Variants in NTNG1 observed in about 807,000 individuals in gnomAD.
The protein encoded by NTNG1 is netrin-G1.
A neutral mutation model predicts 54.0 loss-of-function variants in NTNG1; 16 were observed. The ratio of observed to expected loss-of-function variants is 0.30; its 90% confidence interval spans 0.20 to 0.45. NTNG1 has a LOEUF of 0.45. NTNG1 is among the 20% of genes least tolerant of loss of function. The pLI, the probability that NTNG1 is intolerant of heterozygous loss-of-function variation, is 1.00. For missense variants in NTNG1, 530 were observed against 678.7 expected (o/e 0.78, Z 2.43); for synonymous variants, 255 against 263.1 (o/e 0.97, Z 0.30).
At chr1:107,410,907 G>T (rs1465240630) in intron 5 of NTNG1, among the ~76,000 whole-genome samples, 1 of 152,104 alleles carries the variant, frequency 6.6e-6, no homozygotes, top group Non-Finnish European at 1.5e-5. Flanking sequence ...AAATACATTT[G>T]TGTGGGTGAT....
intron 2 of NTNG1, among the ~76,000 whole-genome samples, chr1:107,160,575 A>T (rs1383195102): frequency 3.9e-5 from 3 of 76,876 alleles, no homozygotes; most frequent in Admixed American, 2.1e-4. Context: ...TGTATAATTT[A>T]AAAAAATCTC....
In NTNG1 at chr1:107,177,390, A is replaced by T. The variant is rs367731888; in HGVS notation, c.246+28551A>T. On this transcript the variant is annotated intron_variant, in intron 2 of 7. Coordinates refer to ENST00000370068, the MANE Select transcript of NTNG1 (RefSeq NM_001113226.3). ...TGCTCTGTCACCCAGGCTAGAGTGC[A>T]GTGGCACGATCTCAGCTCACTGCAA... Among the ~76,000 whole-genome samples the T allele has an allele frequency of 5.9e-5, 9 of 151,596 alleles. No homozygotes were observed. The South Asian group carries it at 1.9e-3, about 32-fold the overall frequency.
At chr1:107,400,702 G>T (rs770166531) in intron 4 of NTNG1, among the ~76,000 whole-genome samples, 10 of 150,878 alleles carry the variant, frequency 6.6e-5, no homozygotes, top group East Asian at 5.9e-4. Flanking sequence ...AGGCTGGAGT[G>T]CAATGGCATG....
chr1:107,290,285 T>A (rs193071312), intron 2 of NTNG1, among the ~76,000 whole-genome samples: 58 of 152,290 alleles, frequency 3.8e-4, no homozygotes, highest in Admixed American at 1.7e-3. Flanking sequence ...TACTCATGGC[T>A]TGAGAGCCTC....
At chr1:107,142,087 C>T (rs976420480) in intron 1 of NTNG1, among the ~76,000 whole-genome samples, 7 of 152,004 alleles carry the variant, frequency 4.6e-5, no homozygotes, top group African/African-American at 1.4e-4. Context: ...GGAATATTCT[C>T]TCATATTCTT....
At chr1:107,312,467 C>CAAG (rs10652718) in intron 2 of NTNG1, among the ~76,000 whole-genome samples, 141,389 of 151,904 alleles carry the variant, frequency 0.93, 66,647 homozygotes, top group East Asian at 1. Flanking sequence ...TATTGAATTT[C>CAAG]AAGAAGTCAA....
intron 2 of NTNG1, among the ~76,000 whole-genome samples, chr1:107,245,459 A>C (rs1407180674): frequency 6.6e-6 from 1 of 152,234 alleles, no homozygotes; most frequent in South Asian, 2.1e-4. Flanking sequence ...ATAAGAAAAA[A>C]GAATCTCTGC....
chr1:107,470,808 T>C (rs1046317586), intron 7 of NTNG1, among the ~76,000 whole-genome samples: 1 of 152,212 alleles, frequency 6.6e-6, no homozygotes, highest in African/African-American at 2.4e-5. Context: ...TTGACCTAAA[T>C]AGGATTTCAA....
chr1:107,242,105 T>C lies in NTNG1; in HGVS notation c.247-82177T>C, dbSNP rs79227675. ...ACCTGGACGTCATAGCAAAACCCTG[T>C]CTTTACAAAAATACAAGCATTATCT... is the stretch of plus-strand genomic sequence containing the variant. On this transcript the variant is annotated intron_variant, in intron 2 of 7. Coordinates refer to ENST00000370068, the MANE Select transcript of NTNG1 (RefSeq NM_001113226.3). 4.7e-3 allele frequency among the ~76,000 whole-genome samples: 710 copies of C among 152,124 alleles called. 5 individuals are homozygous for C. Among genetic ancestry groups the C allele is most frequent in the African/African-American group, 0.016 (671 of 41,480 alleles).
rs186187279 is a variant in NTNG1 at position 107,311,617 on chromosome 1, A to G, written c.247-12665A>G. ...TTTAAGCTTGATTATGTCAATTCCC[A>G]GTGACCAACCTATGAGCAAATCCAT... is the stretch of plus-strand genomic sequence containing the variant. On this transcript the variant is annotated intron_variant, in intron 2 of 7. Coordinates refer to ENST00000370068, the MANE Select transcript of NTNG1 (RefSeq NM_001113226.3). 2.0e-4 allele frequency among the ~76,000 whole-genome samples: 30 copies of G among 152,220 alleles called. 1 individual carries two copies. In the East Asian group the frequency reaches 3.5e-3, roughly 18 times the overall value.
chr1:107,280,068 T>TGTGTGTGTG (rs1557865409), intron 2 of NTNG1, among the ~76,000 whole-genome samples: 2 of 150,524 alleles, frequency 1.3e-5, no homozygotes, highest in Admixed American at 6.6e-5. Flanking sequence ...TGTGTGTGTG[T>TGTGTGTGTG]TTTACTCTAA....
chr1:107,333,313 C>A (rs963732944), intron 3 of NTNG1, among the ~76,000 whole-genome samples: 1 of 151,972 alleles, frequency 6.6e-6, no homozygotes, highest in African/African-American at 2.4e-5. Context: ...ATCAGAGTCT[C>A]CTCATCTACA....
intron 5 of NTNG1, among the ~76,000 whole-genome samples, chr1:107,411,720 G>T (rs540233316): frequency 6.6e-6 from 1 of 152,068 alleles, no homozygotes; most frequent in Non-Finnish European, 1.5e-5. Context: ...TAGGCAAATT[G>T]CATGGTGTGC....
chr1:107,379,505 C>G (rs926534531), intron 3 of NTNG1, among the ~76,000 whole-genome samples: 39 of 152,222 alleles, frequency 2.6e-4, no homozygotes, highest in African/African-American at 8.9e-4. Context: ...CCTAAGCTGC[C>G]AGCCATATAG....
At chr1:107,366,412 C>T (rs1189086632) in intron 3 of NTNG1, among the ~76,000 whole-genome samples, 1 of 152,160 alleles carries the variant, frequency 6.6e-6, no homozygotes. Flanking sequence ...AAAAATCTGT[C>T]TCAAAATAAA....
intron 3 of NTNG1, among the ~76,000 whole-genome samples, chr1:107,381,894 G>T (rs185107558): frequency 1.3e-5 from 2 of 152,140 alleles, no homozygotes; most frequent in African/African-American, 4.8e-5. Context: ...ATGATGACCA[G>T]TTCCAAGTTT....
chr1:107,197,609 A>T (rs556856979), intron 2 of NTNG1, among the ~76,000 whole-genome samples: 7 of 151,982 alleles, frequency 4.6e-5, no homozygotes, highest in African/African-American at 1.7e-4. Flanking sequence ...GTGCAGGACT[A>T]CATTCTGGCT....
intron 2 of NTNG1, among the ~76,000 whole-genome samples, chr1:107,319,966 A>G (rs971362969): frequency 6.6e-6 from 1 of 151,882 alleles, no homozygotes; most frequent in Admixed American, 6.6e-5. Flanking sequence ...AGGAAGAAAG[A>G]CACCTTCCAT....
At chr1:107,361,923 G>A (rs1670323569) in intron 3 of NTNG1, among the ~76,000 whole-genome samples, 1 of 152,116 alleles carries the variant, frequency 6.6e-6, no homozygotes, top group African/African-American at 2.4e-5. Flanking sequence ...GAATCTTAGA[G>A]CGTGGCTGAC....
Sources: allele counts gnomAD v4.1 joint callset (sites outside exome capture counted in the v4.1 genomes callset), GRCh38; gene constraint gnomAD v4.1.1; transcripts MANE v1.5; gene names NCBI Gene and HGNC (gene_info 2026-07-23, HGNC 2026-07-21).